The following NELL2 variants were observed in gnomAD, a reference collection of about 807,000 sequenced individuals.
NELL2 encodes neural EGFL like 2.
Under a neutral mutation model 109.6 loss-of-function variants are expected in NELL2, and 41 were observed. That is an observed-to-expected ratio of 0.37 (90% CI 0.29 to 0.49). NELL2 has a LOEUF of 0.49. Ranked by LOEUF, NELL2 falls within the 20% of genes least tolerant of loss-of-function variation. The pLI is 0.98. For missense variants in NELL2, 900 were observed against 1,008.3 expected (o/e 0.89, Z 1.45); for synonymous variants, 355 against 344.7 (o/e 1.03, Z -0.33).
chr12:44,747,667 T>G (rs1368813750), intron 9 of NELL2, among the ~76,000 whole-genome samples: 1 of 152,044 alleles, frequency 6.6e-6, no homozygotes, highest in Non-Finnish European at 1.5e-5. Flanking sequence ...TAGAAGTAGA[T>G]TATCATAAAG....
chr12:44,720,881 A>G (rs1366698358), intron 9 of NELL2, among the ~76,000 whole-genome samples: 1 of 152,180 alleles, frequency 6.6e-6, no homozygotes, highest in East Asian at 1.9e-4. Context: ...CTAAAGGACC[A>G]AAGTGTGCTT....
chr12:44,808,135 C>T (rs1341484373), intron 3 of NELL2, among the ~76,000 whole-genome samples: 1 of 152,038 alleles, frequency 6.6e-6, no homozygotes, highest in East Asian at 1.9e-4. Flanking sequence ...TGGGCTGCGG[C>T]AGCAGCAGTC....
intron 15 of NELL2, among the ~76,000 whole-genome samples, chr12:44,577,483 T>G (rs969892098): frequency 7.4e-6 from 1 of 135,644 alleles, no homozygotes; most frequent in Non-Finnish European, 1.6e-5. Context: ...TTTTTTTTTT[T>G]TTTTTTTTTG....
intron 15 of NELL2, among the ~76,000 whole-genome samples, chr12:44,554,069 C>T (rs1018298504): frequency 6.6e-6 from 1 of 152,178 alleles, no homozygotes. Flanking sequence ...CTTATGCTGG[C>T]AGTTGCTACC....
In NELL2 at chr12:44,586,942, T is replaced by C. The variant is rs529067069; in HGVS notation, c.1663+20227A>G. Among the ~76,000 whole-genome samples, 3 of 152,208 alleles carry C rather than the reference T, an allele frequency of 2.0e-5. No homozygotes were observed. The South Asian group carries it at 6.2e-4, about 32-fold the overall frequency. On this transcript the variant is annotated intron_variant, in intron 15 of 19. Coordinates refer to ENST00000429094, the MANE Select transcript of NELL2 (RefSeq NM_001145108.2). ...ATGCAATACAAATTAATATCTCTCA[T>C]CTAACATCAGTAGTTGAGTAAGGTA...
rs552364758 is a variant in NELL2 at position 44,797,015 on chromosome 12, T to C, written c.336-16993A>G. The stretch of plus-strand genomic sequence containing the variant: ...AAGAATTAAGTGGCATTGCATATAT[T>C]TTTAAAACATCGATTTTCAAAAGGT... On this transcript the variant is annotated intron_variant, in intron 3 of 19. Transcript: ENST00000429094. Among the ~76,000 whole-genome samples, 5 of 152,212 alleles carry C rather than the reference T, an allele frequency of 3.3e-5. No individual in the cohort carries two copies. The South Asian group carries it at 1.0e-3, about 32-fold the overall frequency.
upstream of NELL2, among the ~76,000 whole-genome samples, chr12:44,877,611 A>C (rs911682264): frequency 6.6e-6 from 1 of 152,190 alleles, no homozygotes; most frequent in Non-Finnish European, 1.5e-5. Flanking sequence ...TATACATTTT[A>C]TCTATAGATA....
intron 16 of NELL2, among the ~76,000 whole-genome samples, chr12:44,530,062 A>G (rs1353570174): frequency 6.6e-6 from 1 of 152,184 alleles, no homozygotes; most frequent in Admixed American, 6.5e-5. Context: ...AGAATCCTTA[A>G]ATAGGTGAGA....
intron 2 of NELL2, among the ~76,000 whole-genome samples, chr12:44,848,500 C>A (rs1717608818): frequency 6.6e-6 from 1 of 152,130 alleles, no homozygotes. Flanking sequence ...TATCAACCCC[C>A]AGAGCAACAC....
Position 44,711,292 on chromosome 12 carries a change from C to T in NELL2, c.1189G>A (p.Gly397Ser), listed in dbSNP as rs1331565766. Reference sequence around the variant, plus strand: ...ACCTTACTTTTCAAAAAAGTCTTACCTTTACAAACTTTGCAACAGCTGTGA... The same window carrying T: ...ACCTTACTTTTCAAAAAAGTCTTACTTTTACAAACTTTGCAACAGCTGTGA... The part of the protein sequence containing the change: ...LSHSCCKVCK[G>S]YDFCSERHNC... The change falls in exon 11 of 20, where the codon GGT becomes AGT. Residue 397 changes from glycine (G) to serine (S), a missense_variant and splice_region_variant. Transcript: ENST00000429094. 1 of 1,610,474 alleles carries T rather than the reference C, an allele frequency of 6.2e-7. No homozygotes were observed.
intron 1 of NELL2, among the ~76,000 whole-genome samples, chr12:44,885,638 A>T (rs1945462132): frequency 6.6e-6 from 1 of 151,998 alleles, no homozygotes; most frequent in African/African-American, 2.4e-5. Flanking sequence ...AAAAATACCT[A>T]AGTGGATAAA....
chr12:44,653,549 T>A (rs1460083180), intron 13 of NELL2, among the ~76,000 whole-genome samples: 1 of 152,186 alleles, frequency 6.6e-6, no homozygotes, highest in African/African-American at 2.4e-5. Flanking sequence ...AATCATTTTT[T>A]AAATTCCTCA....
At chr12:44,825,848 C>T (rs12818329) in intron 2 of NELL2, among the ~76,000 whole-genome samples, 123,965 of 151,164 alleles carry the variant, frequency 0.82, 51,260 homozygotes, top group Middle Eastern at 0.95. Flanking sequence ...GATTTCGAGA[C>T]CAGCCTCAAC....
At chr12:44,594,967 T>C (rs1565987096) in intron 15 of NELL2, among the ~76,000 whole-genome samples, 1 of 152,202 alleles carries the variant, frequency 6.6e-6, no homozygotes, top group Non-Finnish European at 1.5e-5. Flanking sequence ...TGGCATCCTG[T>C]AATGTGTAAC....
At chr12:44,816,212 C>CA (rs1943344706) in intron 2 of NELL2, 76 bp from the exon 3 acceptor site, 5 of 1,300,326 alleles carry the variant, frequency 3.8e-6, no homozygotes, top group Non-Finnish European at 3.1e-6. Context: ...TAACATCTTT[C>CA]AAAAAACTTT....
At chr12:44,691,991 C>T (rs550782290) in intron 12 of NELL2, among the ~76,000 whole-genome samples, 32 of 152,288 alleles carry the variant, frequency 2.1e-4, no homozygotes, top group Middle Eastern at 6.8e-3. Flanking sequence ...GAAGATCCAG[C>T]TAAGACCATT....
chr12:44,593,611 C>T (rs970421260), intron 15 of NELL2, among the ~76,000 whole-genome samples: 2 of 152,130 alleles, frequency 1.3e-5, no homozygotes, highest in Admixed American at 1.3e-4. Flanking sequence ...TGGGTATATA[C>T]CCAGTAACGG....
chr12:44,543,065 T>A (rs1942649550), intron 15 of NELL2, among the ~76,000 whole-genome samples: 1 of 152,154 alleles, frequency 6.6e-6, no homozygotes, highest in African/African-American at 2.4e-5. Context: ...ATAGCAGTCC[T>A]AGGAAAATAG....
At chr12:44,679,589 G>T (rs1268764182) in intron 12 of NELL2, among the ~76,000 whole-genome samples, 1 of 152,080 alleles carries the variant, frequency 6.6e-6, no homozygotes, top group Non-Finnish European at 1.5e-5. Flanking sequence ...CAGAACCTTT[G>T]TGAAGTTGAG....
Sources: gnomAD v4.1 joint callset for allele counts (sites outside exome capture counted in the v4.1 genomes callset) on GRCh38, gnomAD v4.1.1 for gene constraint, MANE v1.5 for transcripts, NCBI Gene and HGNC (gene_info 2026-07-23, HGNC 2026-07-21) for gene names.